The following SYNJ2 variants were observed in gnomAD, a reference collection of about 807,000 sequenced individuals.
SYNJ2 encodes polyphosphatidylinositol phosphatase SYNJ2.
SYNJ2 carries 116 observed loss-of-function variants against 141.3 expected under a neutral mutation model. That is an observed-to-expected ratio of 0.82 (90% CI 0.71 to 0.96). The LOEUF (loss-of-function observed/expected upper bound fraction) is 0.96. Ranked by LOEUF, SYNJ2 falls within the 40% of genes least tolerant of loss-of-function variation. The pLI is 0.00. For synonymous variants in SYNJ2, 745 were observed against 777.7 expected, an observed-to-expected ratio of 0.96 and a Z score of 0.70; for missense variants, 1,873 against 1,934.8, an observed-to-expected ratio of 0.97 and a Z score of 0.60.
At chr6:158,004,754 G>T (rs574345026) in intron 1 of SYNJ2, among the ~76,000 whole-genome samples, 2 of 152,060 alleles carry the variant, frequency 1.3e-5, no homozygotes, top group African/African-American at 2.4e-5. Flanking sequence ...GGTCTGGATC[G>T]GGACCCCTTT....
chr6:158,075,962 G>A (rs577898638), intron 16 of SYNJ2, among the ~76,000 whole-genome samples: 4 of 110,580 alleles, frequency 3.6e-5, no homozygotes, highest in Admixed American at 8.0e-5. Context: ...ACTGTAAGGC[G>A]GGAGGATTGC....
In SYNJ2 at chr6:158,076,632, A is replaced by C; in HGVS notation, c.2299A>C (p.Lys767Gln). 6.2e-7 allele frequency: 1 copy of C among 1,612,152 alleles called. No homozygotes were observed. The highest frequency in any genetic ancestry group is 8.5e-7 in the Non-Finnish European group (1 of 1,178,778). ...QLQKSSGKIFKDFHEGAINFG... is the reference protein window; with the variant it reads ...QLQKSSGKIFQDFHEGAINFG... ...CTTCTTTTTCTCCCAATAGATTTTT[A>C]AGGACTTTCACGAAGGAGCCATTAA... The change falls in exon 17 of 27, where the codon AAG becomes CAG. Residue 767 changes from lysine to glutamine, a missense_variant. Physicochemically the swap from Lys to Gln is moderately conservative, Grantham distance 53. Transcript: ENST00000355585.
chr6:158,078,078 A>C, intron 17 of SYNJ2, 86 bp from the exon 18 acceptor site: 1 of 861,456 alleles, frequency 1.2e-6, no homozygotes. Flanking sequence ...CGTGGCGCAG[A>C]CCTCTATTGT....
At chr6:157,993,806 T>G (rs1351325987) in intron 1 of SYNJ2, among the ~76,000 whole-genome samples, 38 of 46,960 alleles carry the variant, frequency 8.1e-4, no homozygotes, top group African/African-American at 5.5e-3. Flanking sequence ...GGTTTTTTTT[T>G]TTTTTTTTTT....
rs1446838167 is a variant in SYNJ2, at chr6:158,076,627, T to C, written c.2294T>C (p.Ile765Thr). 3.3e-5 allele frequency: 53 copies of C among 1,611,726 alleles called. No homozygotes were observed. The highest frequency in any genetic ancestry group is 4.5e-5 in the Non-Finnish European group (53 of 1,178,424). ...QLQLQKSSGK[I>T]FKDFHEGAIN... ...GATGACTTCTTTTTCTCCCAATAGATTTTTAAGGACTTTCACGAAGGAGCC... is the reference window on the plus strand; with the variant it reads ...GATGACTTCTTTTTCTCCCAATAGACTTTTAAGGACTTTCACGAAGGAGCC... The change falls in exon 17 of 27, where the codon ATT (isoleucine) becomes ACT (threonine). Residue 765 changes from isoleucine to threonine, a missense_variant and splice_region_variant. Transcript: ENST00000355585.
chr6:157,999,436 T>C (rs570964388), intron 1 of SYNJ2, among the ~76,000 whole-genome samples: 7 of 152,382 alleles, frequency 4.6e-5, no homozygotes, highest in African/African-American at 1.4e-4. Flanking sequence ...ATGGGATGTT[T>C]GGTTGTCTCT....
chr6:158,051,838 C>G (rs1780584733), intron 5 of SYNJ2, among the ~76,000 whole-genome samples: 1 of 151,328 alleles, frequency 6.6e-6, no homozygotes, highest in Admixed American at 6.6e-5. Flanking sequence ...CACTTGTAGT[C>G]CCGGCAACTT....
At chr6:158,009,752 G>T (rs1778197164) in intron 1 of SYNJ2, among the ~76,000 whole-genome samples, 1 of 152,286 alleles carries the variant, frequency 6.6e-6, no homozygotes, top group South Asian at 2.1e-4. Context: ...TCCAGCCCAC[G>T]CAGTGCTTAA....
intron 11 of SYNJ2, among the ~76,000 whole-genome samples, chr6:158,065,532 A>G (rs571592246): frequency 2.2e-4 from 34 of 152,222 alleles, no homozygotes; most frequent in Non-Finnish European, 3.8e-4. Flanking sequence ...TTTTAATGGC[A>G]TCTTCTTACC....
intron 1 of SYNJ2, among the ~76,000 whole-genome samples, chr6:157,992,433 T>C (rs1777481809): frequency 6.6e-6 from 1 of 150,582 alleles, no homozygotes. Flanking sequence ...TCCTTTTTTT[T>C]GAGACAGAGT....
At chr6:158,086,151 C>T (rs1744171) in intron 22 of SYNJ2, among the ~76,000 whole-genome samples, 17,744 of 152,118 alleles carry the variant, frequency 0.12, 1,142 homozygotes, top group African/African-American at 0.17. Flanking sequence ...TTCCAGTCTC[C>T]AGGACACATG....
At chr6:158,029,689 C>T (rs1194419841) in intron 3 of SYNJ2, among the ~76,000 whole-genome samples, 1 of 152,178 alleles carries the variant, frequency 6.6e-6, no homozygotes, top group East Asian at 1.9e-4. Context: ...TTCACTCTTT[C>T]AGTCTTCTCA....
chr6:158,014,581 T>G (rs1025903791), intron 1 of SYNJ2, among the ~76,000 whole-genome samples: 9 of 152,252 alleles, frequency 5.9e-5, no homozygotes, highest in African/African-American at 1.9e-4. Flanking sequence ...TCAGTCCTGC[T>G]CTTTAAATCA....
chr6:158,046,558 T>C (rs531964666), intron 5 of SYNJ2, among the ~76,000 whole-genome samples: 8 of 152,300 alleles, frequency 5.3e-5, no homozygotes, highest in African/African-American at 1.9e-4. Context: ...GCTTGCGTAT[T>C]AAGCTGCAAT....
chr6:158,054,153 C>T (rs568767407), intron 5 of SYNJ2, among the ~76,000 whole-genome samples: 1 of 151,270 alleles, frequency 6.6e-6, no homozygotes, highest in Non-Finnish European at 1.5e-5. Flanking sequence ...ACCCATCTAT[C>T]CATCCACTCA....
In SYNJ2 at chr6:158,064,618, C is replaced by T; in HGVS notation, c.1227C>T (p.Leu409=). The T allele has an allele frequency of 6.2e-7, 1 of 1,613,966 alleles. No homozygotes were observed. The highest frequency in any genetic ancestry group is 8.5e-7 in the Non-Finnish European group (1 of 1,180,016). Residue 409 remains leucine (L), a synonymous_variant, in exon 10 of 27, where the codon CTC becomes CTT. Transcript: ENST00000355585. ...FIALEVLHLQ[L]KTLGLSSKPI... ...CTCCCCAGGTCCTGCATCTGCAGCT[C>T]AAGACCCTGGGGCTGAGTTCAAAAC... is the stretch of plus-strand genomic sequence containing the variant.
At chr6:158,013,335 T>C (rs1437865656) in intron 1 of SYNJ2, among the ~76,000 whole-genome samples, 1 of 152,090 alleles carries the variant, frequency 6.6e-6, no homozygotes, top group Non-Finnish European at 1.5e-5. Flanking sequence ...GAGCTGAGAT[T>C]GCACCATTGT....
chr6:158,080,655 T>C lies in SYNJ2; in HGVS notation c.2568-454T>C, dbSNP rs1782618914. 1.3e-5 allele frequency among the ~76,000 whole-genome samples: 2 copies of C among 152,140 alleles called. 1 individual carries two copies. Among genetic ancestry groups the C allele is most frequent in the South Asian group, 4.1e-4 (2 of 4,828 alleles). Reference sequence around the variant, plus strand: ...AGAGATGAACAATTTTGGAACTCTATGTAAAGTGCCAAGTAACCCTCTGAA... The same window carrying C: ...AGAGATGAACAATTTTGGAACTCTACGTAAAGTGCCAAGTAACCCTCTGAA... On this transcript the variant is annotated intron_variant, in intron 18 of 26. Transcript: ENST00000355585.
chr6:157,988,781 G>A (rs1777302670), intron 1 of SYNJ2, among the ~76,000 whole-genome samples: 2 of 152,148 alleles, frequency 1.3e-5, no homozygotes, highest in African/African-American at 4.8e-5. Flanking sequence ...TGGTGTCGTG[G>A]CCAGCTGTCC....
Sources: gnomAD v4.1 joint callset for allele counts (sites outside exome capture counted in the v4.1 genomes callset) on GRCh38, gnomAD v4.1.1 for gene constraint, MANE v1.5 for transcripts, NCBI Gene and HGNC (gene_info 2026-07-23, HGNC 2026-07-21) for gene names.